TMEM116: variants seen among roughly 807,000 people sequenced by gnomAD.
TMEM116 encodes transmembrane protein 116.
A neutral mutation model predicts 44.3 loss-of-function variants in TMEM116; 38 were observed. The ratio of observed to expected loss-of-function variants is 0.86; its 90% CI spans 0.66 to 1.12. The LOEUF (loss-of-function observed/expected upper bound fraction) is 1.12. Ranked by LOEUF, TMEM116 falls within the 50% of genes most tolerant of loss-of-function variation. The pLI is 0.00. For missense variants in TMEM116, 354 were observed against 401.7 expected (o/e 0.88, Z 1.01); for synonymous variants, 132 against 144.8 (o/e 0.91, Z 0.64).
chr12:111,960,008 C>T (rs980022072), intron 4 of TMEM116, among the ~76,000 whole-genome samples: 2 of 152,198 alleles, frequency 1.3e-5, no homozygotes, highest in African/African-American at 4.8e-5. Flanking sequence ...ACCTAATAGA[C>T]ATCTACAGAA....
chr12:112,002,148 T>G (rs2136703929), intron 3 of TMEM116, among the ~76,000 whole-genome samples: 1 of 152,222 alleles, frequency 6.6e-6, no homozygotes, highest in East Asian at 1.9e-4. Flanking sequence ...CAATTATAAT[T>G]AAGAGTATTG....
chr12:111,968,980 G>A (rs868611826), intron 4 of TMEM116, among the ~76,000 whole-genome samples: 7 of 122,954 alleles, frequency 5.7e-5, no homozygotes, highest in Admixed American at 4.2e-4. Flanking sequence ...GCAACAGAGC[G>A]AGACTCTATC....
chr12:111,957,255 T>C (rs1395799720), intron 4 of TMEM116, among the ~76,000 whole-genome samples: 1 of 150,222 alleles, frequency 6.7e-6, no homozygotes, highest in Non-Finnish European at 1.5e-5. Context: ...ATCTGAGATG[T>C]GAAGAGTGCC....
At chr12:111,957,553 A>G (rs575200228) in intron 4 of TMEM116, among the ~76,000 whole-genome samples, 2,892 of 144,508 alleles carry the variant, frequency 0.02, 48 homozygotes, top group Non-Finnish European at 0.029. Flanking sequence ...GCCCCCGCCC[A>G]GCCAGCCGCC....
At chr12:112,005,193 A>G in intron 2 of TMEM116, 64 bp downstream of exon 2, 1 of 1,154,754 alleles carries the variant, frequency 8.7e-7, no homozygotes, top group Non-Finnish European at 1.2e-6. Flanking sequence ...GGAAATGTGG[A>G]AAACTACAGA....
chr12:111,969,310 C>T (rs1243696155), intron 4 of TMEM116, among the ~76,000 whole-genome samples: 1 of 137,162 alleles, frequency 7.3e-6, no homozygotes, highest in Non-Finnish European at 1.5e-5. Context: ...ACAAGAGCGA[C>T]GCTCCATCTC....
intron 4 of TMEM116, among the ~76,000 whole-genome samples, chr12:111,974,568 GA>G (rs1565924716): frequency 6.7e-6 from 1 of 149,342 alleles, no homozygotes; most frequent in Non-Finnish European, 1.5e-5. Flanking sequence ...TGAGGTGGGA[GA>G]ATCACTTGAA....
At chr12:111,986,051 TA>T (rs1300475491) in intron 4 of TMEM116, among the ~76,000 whole-genome samples, 1 of 151,810 alleles carries the variant, frequency 6.6e-6, no homozygotes, top group Non-Finnish European at 1.5e-5. Flanking sequence ...CCTGAATAGC[TA>T]AAACAATCTT....
At chr12:111,968,917 C>T (rs2075139675) in intron 4 of TMEM116, among the ~76,000 whole-genome samples, 3 of 137,654 alleles carry the variant, frequency 2.2e-5, no homozygotes, top group East Asian at 2.6e-4. Context: ...CGCTTCAACT[C>T]GGGAGGCGGA....
chr12:111,968,992 C>CAAAAAAAAAAAAAAAAAAAAAAAA (rs1176204219), intron 4 of TMEM116, among the ~76,000 whole-genome samples: 1 of 45,164 alleles, frequency 2.2e-5, no homozygotes, highest in Non-Finnish European at 4.5e-5. Flanking sequence ...GACTCTATCT[C>CAAAAAAAAAAAAAAAAAAAAAAAA]AAAAAAAAAA....
At chr12:111,984,942 C>T (rs981555655) in intron 4 of TMEM116, among the ~76,000 whole-genome samples, 7 of 151,592 alleles carry the variant, frequency 4.6e-5, no homozygotes, top group East Asian at 1.9e-4. Context: ...ATTTCATAAA[C>T]GAAAAAGCAA....
intron 1 of TMEM116, chr12:112,005,510 TG>T: frequency 2.1e-6 from 1 of 472,942 alleles, no homozygotes; most frequent in Non-Finnish European, 3.2e-6. Flanking sequence ...TCTATTTCAC[TG>T]GGAAATAGTA....
chr12:111,959,222 C>T (rs1367387726), intron 4 of TMEM116, among the ~76,000 whole-genome samples: 1 of 152,186 alleles, frequency 6.6e-6, no homozygotes, highest in Non-Finnish European at 1.5e-5. Context: ...GAATTTTCAA[C>T]CCAGAATTTC....
At chr12:112,003,650 G>A (rs1484153635) in intron 3 of TMEM116, 150 bp downstream of exon 3, 2 of 1,081,528 alleles carry the variant, frequency 1.8e-6, no homozygotes, top group East Asian at 6.3e-5. Context: ...GAGCCCTACT[G>A]ACCATGCCAA....
chr12:112,011,505 G>A (rs1382455453), intron 1 of TMEM116: 1 of 152,194 alleles, frequency 6.6e-6, no homozygotes, highest in African/African-American at 2.4e-5. Context: ...CATTGTATAT[G>A]TTCTCTTACA....
At chr12:111,946,290 A>T (rs1385860232) in intron 4 of TMEM116, among the ~76,000 whole-genome samples, 1 of 152,236 alleles carries the variant, frequency 6.6e-6, no homozygotes, top group Non-Finnish European at 1.5e-5. Flanking sequence ...TATAGTGTGG[A>T]GCGGGATCAG....
At chr12:111,970,178 C>CT (rs1464360513) in intron 4 of TMEM116, among the ~76,000 whole-genome samples, 1 of 151,518 alleles carries the variant, frequency 6.6e-6, no homozygotes, top group Non-Finnish European at 1.5e-5. Flanking sequence ...ACTTGGGAGG[C>CT]TGAGGCATAA....
intron 4 of TMEM116, among the ~76,000 whole-genome samples, chr12:111,987,971 A>G (rs538165359): frequency 8.7e-4 from 132 of 152,362 alleles, no homozygotes; most frequent in African/African-American, 3.1e-3. Context: ...CTATCCATAC[A>G]ATACAATGGA....
chr12:111,938,216 A>C lies in TMEM116; in HGVS notation c.316-6T>G. ...CGACAAGTATAATCTATCACCTGTG[A>C]AAAGAATAAATGTGAGAAATGTCTT... On this transcript the variant is annotated splice_polypyrimidine_tract_variant and splice_region_variant and intron_variant, in intron 5 of 10. Coordinates refer to ENST00000552374, the MANE Select transcript of TMEM116 (RefSeq NM_001193531.2). 1 of 1,574,118 alleles carries C rather than the reference A, an allele frequency of 6.4e-7. No individual in the cohort carries two copies. The highest frequency in any genetic ancestry group is 8.6e-7 in the Non-Finnish European group (1 of 1,160,972).
Sources: gnomAD v4.1 joint callset for allele counts (sites outside exome capture counted in the v4.1 genomes callset) on GRCh38, gnomAD v4.1.1 for gene constraint, MANE v1.5 for transcripts, NCBI Gene and HGNC (gene_info 2026-07-23, HGNC 2026-07-21) for gene names.